NTM: variants seen among roughly 807,000 people sequenced by gnomAD.
The protein encoded by NTM is IgLON family member 2.
A neutral mutation model predicts 42.1 loss-of-function variants in NTM; 13 were observed. That is an observed-to-expected ratio of 0.31 (90% CI 0.20 to 0.49). The LOEUF (loss-of-function observed/expected upper bound fraction) is 0.49, where lower values mean the gene tolerates loss of function less well. NTM is among the 20% of genes least tolerant of loss of function. The probability of loss-of-function intolerance (pLI) is 0.99; values close to 1 mark genes in which losing one functional copy is unlikely to be tolerated. For synonymous variants in NTM, 187 were observed against 179.2 expected (o/e 1.04, Z -0.35); for missense variants, 373 against 452.8 (o/e 0.82, Z 1.60).
chr11:131,463,993 C>T (rs1351892235), intron 1 of NTM, among the ~76,000 whole-genome samples: 1 of 152,248 alleles, frequency 6.6e-6, no homozygotes, highest in South Asian at 2.1e-4. Context: ...AAAGTAACAG[C>T]TCTTGTTTCT....
Position 131,826,516 on chromosome 11 carries a change from A to T in NTM, c.83-85048A>T, listed in dbSNP as rs1280441537. 5.3e-5 allele frequency among the ~76,000 whole-genome samples: 8 copies of T among 151,956 alleles called. No individual in the cohort carries two copies. The East Asian group carries it at 1.4e-3, about 26-fold the overall frequency. ...GCAGACGGCAGTGTCCTCAGTAGAT[A>T]GACAGGCTTGGACAGTCAGCTACGT... is the stretch of plus-strand genomic sequence containing the variant. On this transcript the variant is annotated intron_variant, in intron 1 of 8. Transcript: ENST00000683400.
intron 1 of NTM, among the ~76,000 whole-genome samples, chr11:131,823,973 G>T (rs1196338000): frequency 1.3e-5 from 2 of 152,208 alleles, no homozygotes; most frequent in African/African-American, 4.8e-5. Context: ...TGATTACAGT[G>T]TTGGTTGCAT....
chr11:132,125,646 T>C (rs1477081250), intron 2 of NTM, among the ~76,000 whole-genome samples: 5 of 2,728 alleles, frequency 1.8e-3, no homozygotes, highest in South Asian at 0.013. Flanking sequence ...ATGTGTGTCA[T>C]GTGGTATGTG....
At chr11:131,539,815 C>T (rs7935685) in intron 1 of NTM, among the ~76,000 whole-genome samples, 2 of 152,088 alleles carry the variant, frequency 1.3e-5, no homozygotes, top group African/African-American at 4.8e-5. Flanking sequence ...AGGTTGAACT[C>T]TATCTGAGCT....
At chr11:132,326,233 G>A (rs1284810494) in intron 7 of NTM, among the ~76,000 whole-genome samples, 1 of 152,132 alleles carries the variant, frequency 6.6e-6, no homozygotes, top group South Asian at 2.1e-4. Flanking sequence ...AGAGCCTAGA[G>A]CATGGACATG....
intron 3 of NTM, among the ~76,000 whole-genome samples, chr11:132,202,326 G>T (rs768721202): frequency 1.3e-4 from 20 of 152,208 alleles, no homozygotes; most frequent in Admixed American, 2.6e-4. Context: ...GCTCGGAATA[G>T]AAGGTGTTTG....
chr11:131,815,773 C>T (rs1052904580), intron 1 of NTM, among the ~76,000 whole-genome samples: 3 of 152,158 alleles, frequency 2.0e-5, no homozygotes, highest in African/African-American at 7.2e-5. Context: ...TGAGCTGACC[C>T]TGATAGAAAT....
chr11:131,613,324 C>T (rs2061617611), intron 1 of NTM, among the ~76,000 whole-genome samples: 1 of 152,142 alleles, frequency 6.6e-6, no homozygotes, highest in African/African-American at 2.4e-5. Context: ...TTGCCCAAGC[C>T]TGGGCCCCCG....
chr11:131,974,053 T>C (rs760616241), intron 2 of NTM, among the ~76,000 whole-genome samples: 7 of 142,562 alleles, frequency 4.9e-5, no homozygotes, highest in Non-Finnish European at 7.7e-5. Context: ...TTTCTTGTTA[T>C]TTTCTTAATA....
intron 4 of NTM, among the ~76,000 whole-genome samples, chr11:132,290,483 G>A (rs1039317149): frequency 6.6e-6 from 1 of 152,152 alleles, no homozygotes; most frequent in Non-Finnish European, 1.5e-5. Flanking sequence ...ATTGGATACT[G>A]AGCGTATTGT....
At chr11:132,268,668 C>CTGTGTGTGTG (rs779978929) in intron 4 of NTM, among the ~76,000 whole-genome samples, 30 of 138,700 alleles carry the variant, frequency 2.2e-4, no homozygotes, top group African/African-American at 5.1e-4. Flanking sequence ...CTCTCTCTCT[C>CTGTGTGTGTG]TCTGTGTGTG....
chr11:131,501,166 G>A (rs1215121688), intron 1 of NTM, among the ~76,000 whole-genome samples: 1 of 152,112 alleles, frequency 6.6e-6, no homozygotes, highest in Non-Finnish European at 1.5e-5. Flanking sequence ...CCTTCAAGGG[G>A]TTTGCATTCT....
At chr11:132,107,202 G>C (rs1456171236) in intron 2 of NTM, among the ~76,000 whole-genome samples, 2 of 152,072 alleles carry the variant, frequency 1.3e-5, no homozygotes, top group South Asian at 2.1e-4. Flanking sequence ...CCTACATAGA[G>C]TCCTCTTCTG....
intron 1 of NTM, among the ~76,000 whole-genome samples, chr11:131,702,511 C>G (rs1169732087): frequency 6.6e-6 from 1 of 152,158 alleles, no homozygotes; most frequent in Non-Finnish European, 1.5e-5. Context: ...TTAGAACTCA[C>G]TCTCCACTCT....
intron 1 of NTM, among the ~76,000 whole-genome samples, chr11:131,851,197 G>A (rs1276394501): frequency 6.6e-6 from 1 of 152,124 alleles, no homozygotes; most frequent in Non-Finnish European, 1.5e-5. Flanking sequence ...CTAAAAGTAT[G>A]AAGTATAGTG....
At chr11:132,268,666 C>G (rs61906034) in intron 4 of NTM, among the ~76,000 whole-genome samples, 9,676 of 87,824 alleles carry the variant, frequency 0.11, 462 homozygotes, top group Admixed American at 0.22. Flanking sequence ...TCCTCTCTCT[C>G]TCTCTGTGTG....
intron 1 of NTM, among the ~76,000 whole-genome samples, chr11:131,684,567 G>A (rs2073552580): frequency 6.6e-6 from 1 of 152,228 alleles, no homozygotes; most frequent in African/African-American, 2.4e-5. Context: ...CCTTTATGTA[G>A]GACACTGGCC....
chr11:131,758,279 G>T (rs983354259), intron 1 of NTM, among the ~76,000 whole-genome samples: 2 of 146,696 alleles, frequency 1.4e-5, no homozygotes, highest in Non-Finnish European at 1.5e-5. Context: ...CGCCAACCCC[G>T]CTAGCTAATT....
At chr11:132,282,197 A>G (rs537442366) in intron 4 of NTM, among the ~76,000 whole-genome samples, 23 of 152,350 alleles carry the variant, frequency 1.5e-4, no homozygotes, top group African/African-American at 4.8e-4. Context: ...GCCTGGCTCA[A>G]TGTTTACATT....
Sources: gnomAD v4.1 joint callset for allele counts (sites outside exome capture counted in the v4.1 genomes callset) on GRCh38, gnomAD v4.1.1 for gene constraint, MANE v1.5 for transcripts, NCBI Gene and HGNC (gene_info 2026-07-23, HGNC 2026-07-21) for gene names.